Variants in BABAM2 observed in about 807,000 individuals in gnomAD.
The protein encoded by BABAM2 is BRISC and BRCA1 A complex member 2, also known as BRISC and BRCA1-A complex member 2.
A neutral mutation model predicts 54.7 loss-of-function variants in BABAM2; 31 were observed. The observed-to-expected ratio is 0.57, with a 90% CI of 0.43 to 0.77. The LOEUF is 0.77. BABAM2 is among the 30% of genes least tolerant of loss of function. The pLI, the probability that BABAM2 is intolerant of heterozygous loss-of-function variation, is 0.00. For missense variants in BABAM2, 364 were observed against 455.8 expected (o/e 0.80, Z 1.83); for synonymous variants, 167 against 162.9 (o/e 1.03, Z -0.19).
Position 28,192,764 on chromosome 2 carries a change from C to T in BABAM2, c.681-44438C>T, listed in dbSNP as rs904198792. ...ATCTCTATCTCCTGACCTCGTGATC[C>T]GCCCACCTGGGCCTCCCAAAGTGCT... On this transcript the variant is annotated intron_variant, in intron 7 of 11. Coordinates refer to ENST00000379624, the MANE Select transcript of BABAM2 (RefSeq NM_199191.3). Among the ~76,000 whole-genome samples the T allele has an allele frequency of 9.2e-5, 14 of 151,504 alleles. No homozygotes were observed. The South Asian group carries it at 1.3e-3, about 14-fold the overall frequency.
At chr2:28,318,242 A>G (rs1487722704) in intron 11 of BABAM2, among the ~76,000 whole-genome samples, 1 of 152,046 alleles carries the variant, frequency 6.6e-6, no homozygotes, top group African/African-American at 2.4e-5. Flanking sequence ...TGTACAAGGA[A>G]GGGCTGGACT....
At chr2:27,961,489 G>A (rs907137963) in intron 3 of BABAM2, among the ~76,000 whole-genome samples, 1 of 152,128 alleles carries the variant, frequency 6.6e-6, no homozygotes, top group Middle Eastern at 3.2e-3. Context: ...AGTGTTCTGA[G>A]CACATTTAAG....
At chr2:28,211,404 T>TTG (rs3032203) in intron 7 of BABAM2, among the ~76,000 whole-genome samples, 2 of 147,252 alleles carry the variant, frequency 1.4e-5, no homozygotes, top group African/African-American at 5.1e-5. Context: ...TTTTTTTTTT[T>TTG]GAGAAAGAGT....
intron 10 of BABAM2, among the ~76,000 whole-genome samples, chr2:28,272,259 A>T (rs1366604227): frequency 1.3e-5 from 2 of 152,236 alleles, no homozygotes; most frequent in Non-Finnish European, 2.9e-5. Flanking sequence ...TCCATGAAAA[A>T]GTTGTAAAAA....
intron 7 of BABAM2, among the ~76,000 whole-genome samples, chr2:28,188,842 A>C (rs1573792307): frequency 6.6e-6 from 1 of 152,248 alleles, no homozygotes; most frequent in Non-Finnish European, 1.5e-5. Flanking sequence ...ATTGTAAGTT[A>C]GTATTGAACA....
chr2:28,084,033 C>G (rs1379455022), intron 6 of BABAM2, among the ~76,000 whole-genome samples: 13 of 152,174 alleles, frequency 8.5e-5, no homozygotes. Flanking sequence ...GTCCTGCCCT[C>G]TCTTGTGATG....
chr2:28,101,191 G>A (rs1667051171), intron 6 of BABAM2, among the ~76,000 whole-genome samples: 1 of 152,096 alleles, frequency 6.6e-6, no homozygotes, highest in Non-Finnish European at 1.5e-5. Context: ...GCCAGTAAGC[G>A]ATGAAGCTAT....
intron 7 of BABAM2, among the ~76,000 whole-genome samples, chr2:28,190,964 A>T (rs923982555): frequency 3.3e-5 from 5 of 152,216 alleles, no homozygotes; most frequent in African/African-American, 4.8e-5. Context: ...AGTACATTAC[A>T]CTTCACCAAA....
intron 2 of BABAM2, among the ~76,000 whole-genome samples, chr2:27,924,645 G>C (rs1667556960): frequency 6.6e-6 from 1 of 152,078 alleles, no homozygotes; most frequent in African/African-American, 2.4e-5. Context: ...CAGCCTCCCA[G>C]AGTTGTTGGG....
intron 3 of BABAM2, among the ~76,000 whole-genome samples, chr2:27,953,061 G>A (rs1429284601): frequency 1.3e-5 from 2 of 152,090 alleles, no homozygotes; most frequent in East Asian, 3.9e-4. Flanking sequence ...CTGCTGTGTC[G>A]CTCAGGCTGG....
chr2:28,293,193 A>G (rs946943134), intron 10 of BABAM2, among the ~76,000 whole-genome samples: 3 of 152,148 alleles, frequency 2.0e-5, no homozygotes, highest in Non-Finnish European at 4.4e-5. Flanking sequence ...TTGTTGAACT[A>G]TGCCTGAAAT....
chr2:28,170,462 A>G (rs77146023), intron 7 of BABAM2, among the ~76,000 whole-genome samples: 2,985 of 152,194 alleles, frequency 0.02, 94 homozygotes, highest in African/African-American at 0.066. Context: ...TCAAAGTATC[A>G]CAATTAGTGT....
intron 7 of BABAM2, among the ~76,000 whole-genome samples, chr2:28,184,693 G>A (rs985253135): frequency 6.6e-6 from 1 of 152,036 alleles, no homozygotes; most frequent in Non-Finnish European, 1.5e-5. Context: ...TGGTGTATAT[G>A]TGCCATATTT....
At chr2:28,208,071 A>T (rs1210375504) in intron 7 of BABAM2, among the ~76,000 whole-genome samples, 1 of 151,232 alleles carries the variant, frequency 6.6e-6, no homozygotes, top group African/African-American at 2.4e-5. Flanking sequence ...GTGTGTACAC[A>T]TGCGCACACA....
At chr2:27,987,572 T>C (rs1191231803) in intron 3 of BABAM2, among the ~76,000 whole-genome samples, 3 of 152,108 alleles carry the variant, frequency 2.0e-5, no homozygotes, top group Non-Finnish European at 4.4e-5. Flanking sequence ...CCCAGCACTT[T>C]GGGAGGCTGA....
intron 6 of BABAM2, among the ~76,000 whole-genome samples, chr2:28,117,775 C>A (rs10211646): frequency 6.6e-6 from 1 of 151,926 alleles, no homozygotes; most frequent in Admixed American, 6.6e-5. Flanking sequence ...AGGGGCTTTA[C>A]GGATTGGGGC....
chr2:28,154,694 C>T (rs1437378834), intron 7 of BABAM2, among the ~76,000 whole-genome samples: 1 of 152,140 alleles, frequency 6.6e-6, no homozygotes, highest in African/African-American at 2.4e-5. Flanking sequence ...CAACAGCAAA[C>T]TTCTAGCTAG....
At chr2:27,956,243 A>G (rs1365315907) in intron 3 of BABAM2, among the ~76,000 whole-genome samples, 1 of 152,158 alleles carries the variant, frequency 6.6e-6, no homozygotes, top group Non-Finnish European at 1.5e-5. Flanking sequence ...ATGAAGGGAA[A>G]GGAAAGATAA....
At chr2:28,205,975 A>G (rs1181819492) in intron 7 of BABAM2, among the ~76,000 whole-genome samples, 3 of 152,160 alleles carry the variant, frequency 2.0e-5, no homozygotes, top group African/African-American at 7.2e-5. Context: ...TTTTCCGTGG[A>G]AAAATCAAGT....
Sources: allele counts gnomAD v4.1 joint callset (sites outside exome capture counted in the v4.1 genomes callset), GRCh38; gene constraint gnomAD v4.1.1; transcripts MANE v1.5; gene names NCBI Gene and HGNC (gene_info 2026-07-23, HGNC 2026-07-21).